The following FOXO1 variants were observed in gnomAD, a reference collection of about 807,000 sequenced individuals.
FOXO1 encodes forkhead box protein O1.
In FOXO1, 6 loss-of-function variants were observed where a neutral mutation model predicts 44.1. The ratio of observed to expected loss-of-function variants is 0.14; its 90% CI spans 0.07 to 0.27. The LOEUF is 0.27. FOXO1 is among the 10% of genes least tolerant of loss of function. FOXO1 has a pLI of 1.00. For missense variants in FOXO1, 737 were observed against 888.8 expected, an observed-to-expected ratio of 0.83 and a Z score of 2.17; for synonymous variants, 380 against 362.7, an observed-to-expected ratio of 1.05 and a Z score of -0.54.
At chr13:40,562,176 G>T (rs1874053321) in intron 1 of FOXO1, among the ~76,000 whole-genome samples, 1 of 152,062 alleles carries the variant, frequency 6.6e-6, no homozygotes, top group African/African-American at 2.4e-5. Context: ...ATGACCAGTA[G>T]TATGAGCAGG....
chr13:40,561,755 G>T (rs1874031207), intron 1 of FOXO1, among the ~76,000 whole-genome samples: 1 of 151,998 alleles, frequency 6.6e-6, no homozygotes, highest in African/African-American at 2.4e-5. Context: ...GATCACCTGA[G>T]GTCAGGAGTT....
Position 40,641,593 on chromosome 13 carries a change from C to T in FOXO1, c.630+23990G>A, listed in dbSNP as rs538052597. Among the ~76,000 whole-genome samples the T allele has an allele frequency of 1.6e-3, 240 of 152,164 alleles. 3 individuals carry two copies. The highest frequency in any genetic ancestry group is 3.4e-3 in the Middle Eastern group (1 of 294). On this transcript the variant is annotated intron_variant, in intron 1 of 2. Coordinates refer to ENST00000379561, the MANE Select transcript of FOXO1 (RefSeq NM_002015.4). Reference sequence around the variant, plus strand: ...TATTTTACTTTAGTATTTCCAGTTTCAAATTTAAGTCCTAGTTTTTTTCTC... The same window carrying T: ...TATTTTACTTTAGTATTTCCAGTTTTAAATTTAAGTCCTAGTTTTTTTCTC...
intron 1 of FOXO1, among the ~76,000 whole-genome samples, chr13:40,571,235 A>AG (rs1444942470): frequency 4.9e-5 from 7 of 142,322 alleles, no homozygotes; most frequent in African/African-American, 1.5e-4. Context: ...GGTGGGGGGA[A>AG]GGGGGAGGGA....
Position 40,633,777 on chromosome 13 carries a change from TA to T in FOXO1, c.630+31805del, listed in dbSNP as rs1877053623. ...AATTAGATCTCAATAAAGCTATTAT[TA>T]AAAATAGAATGTAGATTTCTTTATC... is the stretch of plus-strand genomic sequence containing the variant. On this transcript the variant is annotated intron_variant, in intron 1 of 2. Transcript: ENST00000379561. Among the ~76,000 whole-genome samples, 4 of 152,320 alleles carry T rather than the reference TA, an allele frequency of 2.6e-5. No homozygotes were observed. The South Asian group carries it at 8.3e-4, about 32-fold the overall frequency.
At position 40,665,569 on chromosome 13, in the gene FOXO1, C is replaced by T; in HGVS notation, c.630+14G>A. 7.3e-7 allele frequency: 1 copy of T among 1,373,286 alleles called. No homozygotes were observed. The highest frequency in any genetic ancestry group is 2.0e-5 in the South Asian group (1 of 50,256). 85.1% of individuals were successfully genotyped at this position (1,373,286 alleles called of 1,614,324 possible). A position where few individuals can be genotyped will look rare whatever the true frequency, so the allele number is the denominator to read the frequency against. ...CGCGCCCCCAAGGTCCGGCCGCGCG[C>T]CGAGTCCACTCACCTTCCAGCCCGC... On this transcript the variant is annotated intron_variant, in intron 1 of 2. Coordinates refer to ENST00000379561, the MANE Select transcript of FOXO1 (RefSeq NM_002015.4).
At chr13:40,634,478 T>A (rs919515016) in intron 1 of FOXO1, among the ~76,000 whole-genome samples, 1 of 152,090 alleles carries the variant, frequency 6.6e-6, no homozygotes, top group African/African-American at 2.4e-5. Flanking sequence ...GTAAGAAAAG[T>A]GAGCTAGGGC....
At position 40,590,028 on chromosome 13, in the gene FOXO1, G is replaced by A. The variant is rs574263158; in HGVS notation, c.631-29168C>T. On this transcript the variant is annotated intron_variant, in intron 1 of 2. Coordinates refer to ENST00000379561, the MANE Select transcript of FOXO1 (RefSeq NM_002015.4). ...AATACGTTTTAATAAAAGTCTGCAAGTTTGTACGATGGGAGCCTCTCTCTC... is the reference window on the plus strand; with the variant it reads ...AATACGTTTTAATAAAAGTCTGCAAATTTGTACGATGGGAGCCTCTCTCTC... Among the ~76,000 whole-genome samples the A allele has an allele frequency of 5.3e-5, 8 of 152,308 alleles. No homozygotes were observed. In the South Asian group the frequency reaches 1.7e-3, roughly 32 times the overall value.
chr13:40,614,639 T>C (rs1208222373), intron 1 of FOXO1, among the ~76,000 whole-genome samples: 1 of 152,170 alleles, frequency 6.6e-6, no homozygotes, highest in Non-Finnish European at 1.5e-5. Flanking sequence ...ACAAGGATAG[T>C]GATGCTCCCC....
At chr13:40,643,205 G>A (rs1325724040) in intron 1 of FOXO1, among the ~76,000 whole-genome samples, 1 of 152,082 alleles carries the variant, frequency 6.6e-6, no homozygotes, top group Non-Finnish European at 1.5e-5. Flanking sequence ...AGCCAGGTGT[G>A]ATGGCAGGCA....
intron 1 of FOXO1, among the ~76,000 whole-genome samples, chr13:40,610,270 A>T (rs1380181055): frequency 6.6e-6 from 1 of 152,190 alleles, no homozygotes; most frequent in Non-Finnish European, 1.5e-5. Context: ...TGTCTATAAC[A>T]GTGAAATTTT....
chr13:40,659,720 G>C (rs924799987), intron 1 of FOXO1, among the ~76,000 whole-genome samples: 3 of 152,144 alleles, frequency 2.0e-5, no homozygotes, highest in African/African-American at 7.2e-5. Context: ...CAAGTAGCAA[G>C]AATAAGTCAA....
chr13:40,565,933 C>T (rs2137830506), intron 1 of FOXO1, among the ~76,000 whole-genome samples: 1 of 152,292 alleles, frequency 6.6e-6, no homozygotes, highest in African/African-American at 2.4e-5. Context: ...GAAAGATTGA[C>T]TGGTTTGGGA....
intron 1 of FOXO1, among the ~76,000 whole-genome samples, chr13:40,597,370 A>G (rs1011834440): frequency 6.6e-6 from 1 of 152,212 alleles, no homozygotes; most frequent in African/African-American, 2.4e-5. Flanking sequence ...CATCTTCCCA[A>G]TAAGAGGGTA....
chr13:40,591,864 G>A (rs908646255), intron 1 of FOXO1, among the ~76,000 whole-genome samples: 5 of 151,914 alleles, frequency 3.3e-5, no homozygotes, highest in African/African-American at 7.3e-5. Context: ...GTGCCACCAC[G>A]CCAGGCTAAT....
Position 40,665,572 on chromosome 13 carries a change from A to G in FOXO1, c.630+11T>C. ...GCCCCCAAGGTCCGGCCGCGCGCCG[A>G]GTCCACTCACCTTCCAGCCCGCCGA... On this transcript the variant is annotated intron_variant, in intron 1 of 2. Coordinates refer to ENST00000379561, the MANE Select transcript of FOXO1 (RefSeq NM_002015.4). The G allele has an allele frequency of 7.3e-7, 1 of 1,375,222 alleles. No individual in the cohort carries two copies. Among genetic ancestry groups the G allele is most frequent in the Non-Finnish European group, 9.5e-7 (1 of 1,047,802 alleles). 85.2% of individuals were successfully genotyped at this position (1,375,222 alleles called of 1,614,324 possible). A position where few individuals can be genotyped will look rare whatever the true frequency, so the allele number is the denominator to read the frequency against.
chr13:40,620,313 C>A, intron 1 of FOXO1: 1 of 897,572 alleles, frequency 1.1e-6, no homozygotes, highest in Non-Finnish European at 1.8e-6. Context: ...GCTAACAGAA[C>A]ATACAGTCAC....
intron 1 of FOXO1, among the ~76,000 whole-genome samples, chr13:40,630,934 C>A (rs528591961): frequency 1.3e-5 from 2 of 152,260 alleles, no homozygotes; most frequent in East Asian, 3.9e-4. Context: ...TGCCTCCATA[C>A]AGGTGAGGAT....
intron 1 of FOXO1, among the ~76,000 whole-genome samples, chr13:40,636,073 G>T (rs1219967257): frequency 6.6e-6 from 1 of 152,136 alleles, no homozygotes; most frequent in African/African-American, 2.4e-5. Context: ...AGCCAGGCGT[G>T]GCATGGTGCG....
At chr13:40,610,137 C>T (rs921721672) in intron 1 of FOXO1, among the ~76,000 whole-genome samples, 2 of 152,130 alleles carry the variant, frequency 1.3e-5, no homozygotes, top group Non-Finnish European at 2.9e-5. Flanking sequence ...CTGCATCCAC[C>T]TGCCACACCC....
Sources: allele counts gnomAD v4.1 joint callset (sites outside exome capture counted in the v4.1 genomes callset), GRCh38; gene constraint gnomAD v4.1.1; transcripts MANE v1.5; gene names NCBI Gene and HGNC (gene_info 2026-07-23, HGNC 2026-07-21).